WDR44: variants seen among roughly 807,000 people sequenced by gnomAD.
WDR44 encodes the protein WD repeat domain 44.
A neutral mutation model predicts 65.7 loss-of-function variants in WDR44; 9 were observed. That is an observed-to-expected ratio of 0.14 (90% CI 0.08 to 0.24). The LOEUF is 0.24. WDR44 is among the 10% of genes least tolerant of loss of function. WDR44 has a pLI of 1.00. For synonymous variants in WDR44, 220 were observed against 235.2 expected, an observed-to-expected ratio of 0.94 and a Z score of 0.59; for missense variants, 425 against 670.9, an observed-to-expected ratio of 0.63 and a Z score of 4.05.
At chrX:118,426,753 AATTCTACCTTTAAT>A (rs753235064) in intron 12 of WDR44, among the ~76,000 whole-genome samples, 2 of 111,062 alleles carry the variant, frequency 1.8e-5, no homozygotes, top group Non-Finnish European at 3.8e-5. Flanking sequence ...TTTACTTGGT[AATTCTACCTTTAAT>A]AATTTATCAT....
chrX:118,398,329 G>T (rs2056883099), intron 7 of WDR44, 58 bp from the exon 8 acceptor site: 1 of 1,021,574 alleles, frequency 9.8e-7, no homozygotes, highest in South Asian at 2.0e-5. Context: ...AGTATAAACA[G>T]ATTTTTAAGA....
chrX:118,428,908 C>T (rs772955133), intron 12 of WDR44, among the ~76,000 whole-genome samples: 5 of 111,723 alleles, frequency 4.5e-5, no homozygotes, highest in Non-Finnish European at 7.5e-5. Context: ...TGCAGGGACA[C>T]GGCTGGAACT....
At chrX:118,445,333 G>T (rs1005463935) in intron 19 of WDR44, among the ~76,000 whole-genome samples, 4 of 111,946 alleles carry the variant, frequency 3.6e-5, no homozygotes, top group African/African-American at 1.3e-4. Flanking sequence ...CATAACTATG[G>T]GTAACCATTC....
At chrX:118,367,454 G>T (rs2802612) in intron 1 of WDR44, among the ~76,000 whole-genome samples, 29,086 of 110,456 alleles carry the variant, frequency 0.26, 3,155 homozygotes, top group African/African-American at 0.39. Flanking sequence ...TGAGAAATTT[G>T]TGGTAGTACT....
intron 12 of WDR44, among the ~76,000 whole-genome samples, chrX:118,414,159 G>T (rs1387824688): frequency 9.1e-6 from 1 of 109,353 alleles, no homozygotes; most frequent in Non-Finnish European, 1.9e-5. Context: ...TGGCTGTGTG[G>T]GCTCTTTTGG....
At chrX:118,426,592 C>T in intron 12 of WDR44, among the ~76,000 whole-genome samples, 1 of 109,599 alleles carries the variant, frequency 9.1e-6, no homozygotes, top group East Asian at 2.9e-4. Flanking sequence ...TGTGGTCCCA[C>T]CTACTCAGGA....
chrX:118,361,475 G>T (rs1486160414), intron 1 of WDR44, among the ~76,000 whole-genome samples: 2 of 112,323 alleles, frequency 1.8e-5, no homozygotes, highest in African/African-American at 6.5e-5. Context: ...GGGCACAGTG[G>T]CTCATGCCTG....
At chrX:118,437,121 C>G (rs1269986201) in intron 14 of WDR44, among the ~76,000 whole-genome samples, 1 of 110,818 alleles carries the variant, frequency 9.0e-6, no homozygotes, top group African/African-American at 3.3e-5. Flanking sequence ...GAAGAAGAGA[C>G]AGCAGATGGA....
intron 1 of WDR44, among the ~76,000 whole-genome samples, chrX:118,352,004 G>T (rs763059465): frequency 1.8e-5 from 2 of 109,126 alleles, no homozygotes; most frequent in Non-Finnish European, 3.8e-5. Flanking sequence ...TAACTCATGG[G>T]GGTAGGATAG....
At chrX:118,395,522 T>C (rs1469739567) in intron 6 of WDR44, among the ~76,000 whole-genome samples, 178 bp downstream of exon 6, 1 of 111,548 alleles carries the variant, frequency 9.0e-6, no homozygotes, top group Non-Finnish European at 1.9e-5. Context: ...ATGTTATGTG[T>C]AGTTTACCAC....
rs943100784 is a variant in WDR44 at position 118,346,474 on chromosome X, G to C, written c.-30G>C. ...AGTCACCCTTCCTCCAGGCGGCGCCGGCCCCCTCACCCGCGGGTGTGTCCT... is the reference window on the plus strand; with the variant it reads ...AGTCACCCTTCCTCCAGGCGGCGCCCGCCCCCTCACCCGCGGGTGTGTCCT... On this transcript the variant is annotated 5_prime_UTR_variant, in exon 1 of 20. Transcript: ENST00000254029. 6 of 1,192,564 alleles carry C rather than the reference G, an allele frequency of 5.0e-6. No individual in the cohort carries two copies. The highest frequency in any genetic ancestry group is 6.8e-6 in the Non-Finnish European group (6 of 879,149).
chrX:118,347,639 T>G (rs776144034), intron 1 of WDR44, among the ~76,000 whole-genome samples: 2 of 112,661 alleles, frequency 1.8e-5, no homozygotes, highest in South Asian at 7.3e-4. Flanking sequence ...ACTTACTCCG[T>G]GGGAGTAATA....
At position 118,447,897 on chromosome X, in the gene WDR44, TATATATATA is replaced by T. The variant is rs1290951780; in HGVS notation, c.2648-995_2648-987del. Reference sequence around the variant, plus strand: ...TAAAATATATATATATATATATATATATATATATATATATATACTTGTATGTGTAAAAGT... The same window carrying T: ...TAAAATATATATATATATATATATATTATATATACTTGTATGTGTAAAAGT... On this transcript the variant is annotated intron_variant, in intron 19 of 19. Coordinates refer to ENST00000254029, the MANE Select transcript of WDR44 (RefSeq NM_019045.5). Among the ~76,000 whole-genome samples the T allele has an allele frequency of 6.5e-4, 45 of 69,031 alleles. 1 individual carries two copies. The highest frequency in any genetic ancestry group is 1.8e-3 in the African/African-American group (29 of 16,143). 59.9% of individuals were successfully genotyped at this position (69,031 alleles called of 115,157 possible).
intron 3 of WDR44, among the ~76,000 whole-genome samples, chrX:118,389,904 A>T (rs979974949): frequency 9.4e-6 from 1 of 106,219 alleles, no homozygotes; most frequent in Non-Finnish European, 1.9e-5. Context: ...TTATTTATTT[A>T]TTTTTTGAGA....
chrX:118,424,349 G>GTATATATATGTATA (rs1569379570), intron 12 of WDR44, among the ~76,000 whole-genome samples: 1 of 56,213 alleles, frequency 1.8e-5, no homozygotes, highest in African/African-American at 1.6e-4. Flanking sequence ...ATATATATAT[G>GTATATATATGTATA]TATATATATA....
chrX:118,396,260 T>A (rs1301095721), intron 6 of WDR44, among the ~76,000 whole-genome samples: 1 of 111,445 alleles, frequency 9.0e-6, no homozygotes, highest in Non-Finnish European at 1.9e-5. Context: ...TTCCTCAAAA[T>A]GTGAAACATA....
At chrX:118,442,710 A>G (rs1336580701) in intron 17 of WDR44, 30 bp downstream of exon 17, 3 of 1,099,312 alleles carry the variant, frequency 2.7e-6, no homozygotes, top group Non-Finnish European at 3.8e-6. Flanking sequence ...TTCCCAAAAG[A>G]GATCAGGACA....
chrX:118,445,345 C>T (rs2057337769), intron 19 of WDR44, among the ~76,000 whole-genome samples: 1 of 112,291 alleles, frequency 8.9e-6, no homozygotes, highest in Non-Finnish European at 1.9e-5. Flanking sequence ...TAACCATTCT[C>T]TTTAGAGAAG....
At chrX:118,365,097 G>A (rs976394907) in intron 1 of WDR44, among the ~76,000 whole-genome samples, 5 of 111,457 alleles carry the variant, frequency 4.5e-5, no homozygotes, top group African/African-American at 1.6e-4. Flanking sequence ...TCCTAAATGT[G>A]CTTTTATCAG....
Sources: gnomAD v4.1 joint callset for allele counts (sites outside exome capture counted in the v4.1 genomes callset) on GRCh38, gnomAD v4.1.1 for gene constraint, MANE v1.5 for transcripts, NCBI Gene and HGNC (gene_info 2026-07-23, HGNC 2026-07-21) for gene names.